The following RMI1 variants were observed in gnomAD, a reference collection of about 807,000 sequenced individuals.
RMI1 encodes the protein RecQ mediated genome instability 1.
In RMI1, 36 loss-of-function variants were observed where a neutral mutation model predicts 46.7. That is an observed-to-expected ratio of 0.77 (90% CI 0.59 to 1.02). The LOEUF (loss-of-function observed/expected upper bound fraction) is 1.02, where lower values mean the gene tolerates loss of function less well. RMI1 is among the 50% of genes least tolerant of loss of function. RMI1 has a pLI of 0.00. For missense variants in RMI1, 676 were observed against 713.7 expected (o/e 0.95, Z 0.60); for synonymous variants, 250 against 252.9 (o/e 0.99, Z 0.11).
chr9:83,997,107 C>CA (rs375763717), intron 1 of RMI1, among the ~76,000 whole-genome samples: 2 of 92,418 alleles, frequency 2.2e-5, no homozygotes, highest in Non-Finnish European at 4.2e-5. Flanking sequence ...AACACCCCCC[C>CA]CTTTTTTTTT....
At position 84,002,012 on chromosome 9, in the gene RMI1, C is replaced by T. The variant is rs779685290; in HGVS notation, c.1026C>T (p.Asn342=). ...AGGAATTGCAACCATTGACTTTTAA[C>T]AGAAATGCCGATCGAAGTATAGAGA... is the stretch of plus-strand genomic sequence containing the variant. ...ETKELQPLTF[N]RNADRSIERF... Residue 342 remains asparagine (N), a synonymous_variant, in exon 3 of 3, where the codon AAC becomes AAT. Transcript: ENST00000445877. The T allele has an allele frequency of 3.7e-6, 6 of 1,613,940 alleles. No homozygotes were observed. The Admixed American group carries it at 5.0e-5, about 13-fold the overall frequency.
At chr9:83,994,956 T>C (rs1244876672) in intron 1 of RMI1, among the ~76,000 whole-genome samples, 2 of 151,768 alleles carry the variant, frequency 1.3e-5, no homozygotes, top group African/African-American at 4.8e-5. Flanking sequence ...CAGTAGAGAG[T>C]TTTTTCAACC....
chr9:83,986,319 C>T lies in RMI1; in HGVS notation c.-126+5428C>T, dbSNP rs551805669. 3.9e-5 allele frequency among the ~76,000 whole-genome samples: 6 copies of T among 152,294 alleles called. No homozygotes were observed. The East Asian group carries it at 9.7e-4, about 25-fold the overall frequency. On this transcript the variant is annotated intron_variant, in intron 1 of 2. Transcript: ENST00000445877. Reference sequence around the variant, plus strand: ...GATGGGCTTGTTATTTACGTGAGATCTGAGAATTCTGTTCATTATAGTAGC... The same window carrying T: ...GATGGGCTTGTTATTTACGTGAGATTTGAGAATTCTGTTCATTATAGTAGC...
At chr9:83,993,331 ACTT>A (rs1458614354) in intron 1 of RMI1, among the ~76,000 whole-genome samples, 4 of 152,146 alleles carry the variant, frequency 2.6e-5, no homozygotes, top group African/African-American at 7.2e-5. Context: ...GATAGGATTT[ACTT>A]CTTTTATAAT....
intron 1 of RMI1, among the ~76,000 whole-genome samples, chr9:83,986,222 A>T (rs988229791): frequency 2.6e-5 from 4 of 152,222 alleles, no homozygotes. Flanking sequence ...AGATAAATAT[A>T]GTAGGTGTAG....
chr9:84,002,901 C>A lies in RMI1; in HGVS notation c.*37C>A. On this transcript the variant is annotated 3_prime_UTR_variant, in exon 3 of 3. Coordinates refer to ENST00000445877, the MANE Select transcript of RMI1 (RefSeq NM_001358291.2). ...TAGTATTAGGAACAATTAAAAACAACAAGGAAATATTTAGAATTTGTTCAC... is the reference window on the plus strand; with the variant it reads ...TAGTATTAGGAACAATTAAAAACAAAAAGGAAATATTTAGAATTTGTTCAC... The A allele has an allele frequency of 2.5e-6, 3 of 1,215,560 alleles. No homozygotes were observed. Among genetic ancestry groups the A allele is most frequent in the South Asian group, 1.8e-5 (1 of 56,794 alleles). The allele number at this position is 1,215,560 out of a possible 1,614,324, so 75.3% of individuals were successfully genotyped here. A position where few individuals can be genotyped will look rare whatever the true frequency, so the allele number is the denominator to read the frequency against.
intron 1 of RMI1, among the ~76,000 whole-genome samples, chr9:83,996,752 TGCAGGCTGTACAGGA>T (rs756567252): frequency 6.6e-4 from 101 of 152,272 alleles, no homozygotes; most frequent in Middle Eastern, 6.8e-3. Context: ...CTTATGGTTC[TGCAGGCTGTACAGGA>T]GCAGGCTGGG....
At position 84,002,638 on chromosome 9, in the gene RMI1, C is replaced by A. The variant is rs1957756277; in HGVS notation, c.1652C>A (p.Thr551Asn). 6.2e-7 allele frequency: 1 copy of A among 1,613,880 alleles called. No individual in the cohort carries two copies. Among genetic ancestry groups the A allele is most frequent in the Non-Finnish European group, 8.5e-7 (1 of 1,179,882 alleles). Residue 551 changes from threonine to asparagine, a missense_variant, in exon 3 of 3, where the codon ACT (threonine) becomes AAT (asparagine). Thr to Asn is a moderately conservative substitution (Grantham distance 65). Coordinates refer to ENST00000445877, the MANE Select transcript of RMI1 (RefSeq NM_001358291.2). ...GTAGACTTTGTGGATGAAATACTTA[C>A]TAGCTTGATAGGGTTCTCAGTACCA... ...LDVDFVDEIL[T>N]SLIGFSVPEM...
chr9:83,981,127 C>T (rs1037149393), intron 1 of RMI1: 1 of 152,320 alleles, frequency 6.6e-6, no homozygotes, highest in Non-Finnish European at 1.5e-5. Context: ...GGTTCTCGGC[C>T]TGCCTTGCGC....
chr9:83,993,946 ATTTTTTT>A (rs35033710), intron 1 of RMI1, among the ~76,000 whole-genome samples: 1 of 127,210 alleles, frequency 7.9e-6, no homozygotes, highest in Non-Finnish European at 1.7e-5. Flanking sequence ...TGCCCGGCTA[ATTTTTTT>A]TTTTTTTTTT....
rs35796088 is a variant in RMI1 at position 83,997,108 on chromosome 9, C to CTTT, written c.-125-2583_-125-2581dup. ...GTAGAGGTAAGTCCAACACCCCCCC[C>CTTT]TTTTTTTTTTTTTTTTTTTTGAGAT... On this transcript the variant is annotated intron_variant, in intron 1 of 2. Transcript: ENST00000445877. Among the ~76,000 whole-genome samples the CTTT allele has an allele frequency of 1.3e-3, 81 of 60,334 alleles. 2 individuals carry two copies. The highest frequency in any genetic ancestry group is 4.3e-3 in the African/African-American group (61 of 14,302). The allele number at this position is 60,334 out of a possible 152,430, so 39.6% of individuals were successfully genotyped here.
At chr9:83,986,713 C>T (rs1295386464) in intron 1 of RMI1, among the ~76,000 whole-genome samples, 2 of 152,172 alleles carry the variant, frequency 1.3e-5, no homozygotes, top group Non-Finnish European at 2.9e-5. Context: ...GCAAAGTCTT[C>T]ACTTCTCTGT....
chr9:83,995,097 T>A (rs973506251), intron 1 of RMI1, among the ~76,000 whole-genome samples: 9 of 152,080 alleles, frequency 5.9e-5, no homozygotes, highest in Non-Finnish European at 1.3e-4. Flanking sequence ...CCTCCCAGAT[T>A]CAAGCCATTC....
rs778125810 is a variant in RMI1 at position 84,002,059 on chromosome 9, C to T, written c.1073C>T (p.Thr358Ile). The change falls in exon 3 of 3, where the codon ACT becomes ATT. Residue 358 changes from threonine to isoleucine, a missense_variant. Coordinates refer to ENST00000445877, the MANE Select transcript of RMI1 (RefSeq NM_001358291.2). Reference sequence around the variant, plus strand: ...GAGAGATTTTCACATAATCCTAATACTACGAATAACTTTTCTTTGACTTGC... The same window carrying T: ...GAGAGATTTTCACATAATCCTAATATTACGAATAACTTTTCTTTGACTTGC... Reference protein sequence around the residue: ...SIERFSHNPNTTNNFSLTCKN... With the variant: ...SIERFSHNPNITNNFSLTCKN... 5 of 1,613,708 alleles carry T rather than the reference C, an allele frequency of 3.1e-6. No individual in the cohort carries two copies. The highest frequency in any genetic ancestry group is 8.5e-7 in the Non-Finnish European group (1 of 1,179,820).
intron 1 of RMI1, among the ~76,000 whole-genome samples, chr9:83,992,486 A>T (rs1957589226): frequency 6.6e-6 from 1 of 152,100 alleles, no homozygotes; most frequent in South Asian, 2.1e-4. Context: ...AAAAGCATAA[A>T]AACATGGCAC....
intron 1 of RMI1, among the ~76,000 whole-genome samples, chr9:83,999,190 A>AAT (rs957719951): frequency 1.5e-4 from 22 of 150,344 alleles, no homozygotes; most frequent in Non-Finnish European, 3.0e-4. Context: ...AAATAAAATA[A>AAT]AAAAAAATAA....
chr9:83,992,860 A>G (rs962260066), intron 1 of RMI1: 3 of 152,092 alleles, frequency 2.0e-5, no homozygotes, highest in Admixed American at 6.5e-5. Context: ...TACTTTTATT[A>G]TTCCTTTTTT....
intron 1 of RMI1, among the ~76,000 whole-genome samples, chr9:83,987,804 AATTT>A (rs1448689232): frequency 8.5e-5 from 13 of 152,290 alleles, no homozygotes; most frequent in Non-Finnish European, 1.6e-4. Flanking sequence ...TTGTGTCCAT[AATTT>A]ATTTTTATTA....
At chr9:83,990,671 C>A (rs1957559054) in intron 1 of RMI1, among the ~76,000 whole-genome samples, 1 of 152,146 alleles carries the variant, frequency 6.6e-6, no homozygotes, top group Non-Finnish European at 1.5e-5. Context: ...ATCCTAATTA[C>A]CCTGATTTGA....
Sources: gnomAD v4.1 joint callset for allele counts (sites outside exome capture counted in the v4.1 genomes callset) on GRCh38, gnomAD v4.1.1 for gene constraint, MANE v1.5 for transcripts, NCBI Gene and HGNC (gene_info 2026-07-23, HGNC 2026-07-21) for gene names.